Variants in DCAKD observed in about 807,000 individuals in gnomAD.
The protein encoded by DCAKD is dephospho-CoA kinase domain-containing protein.
Under a neutral mutation model 18.7 loss-of-function variants are expected in DCAKD, and 15 were observed. The observed-to-expected ratio is 0.80, with a 90% confidence interval of 0.54 to 1.24. The LOEUF (loss-of-function observed/expected upper bound fraction) is 1.24, where lower values mean the gene tolerates loss of function less well. DCAKD is among the 50% of genes most tolerant of loss of function. DCAKD has a pLI of 0.00. For missense variants in DCAKD, 301 were observed against 322.0 expected (o/e 0.93, Z 0.50); for synonymous variants, 130 against 133.0 (o/e 0.98, Z 0.16).
chr17:45,034,082 A>G, intron 3 of DCAKD, 105 bp downstream of exon 3: 2 of 1,601,056 alleles, frequency 1.2e-6, no homozygotes, highest in Non-Finnish European at 1.7e-6. Context: ...TGAACTCATC[A>G]GCTGGGATAA....
intron 1 of DCAKD, among the ~76,000 whole-genome samples, chr17:45,048,585 C>T (rs1229864983): frequency 1.3e-5 from 2 of 152,088 alleles, no homozygotes; most frequent in Non-Finnish European, 1.5e-5. Context: ...TGCAGTAAGC[C>T]GAGATCGTGC....
chr17:45,044,490 G>A (rs1285147695), intron 1 of DCAKD, among the ~76,000 whole-genome samples: 7 of 152,110 alleles, frequency 4.6e-5, no homozygotes, highest in East Asian at 1.9e-4. Flanking sequence ...TCAGGAGTTC[G>A]GGACCAGCCT....
At chr17:45,054,191 G>C, upstream of DCAKD, 1 of 515,344 alleles carries the variant, frequency 1.9e-6, no homozygotes, top group Non-Finnish European at 3.9e-6. Context: ...CATTATCTCT[G>C]CCATGTATAC....
At chr17:45,034,421 C>T in intron 2 of DCAKD, 31 bp from the exon 3 acceptor site, 3 of 1,611,392 alleles carry the variant, frequency 1.9e-6, no homozygotes, top group Non-Finnish European at 2.5e-6. Flanking sequence ...TGGGTCACTC[C>T]CTGAAGCCTC....
chr17:45,029,571 T>C (rs180698415), intron 4 of DCAKD, among the ~76,000 whole-genome samples: 146 of 152,270 alleles, frequency 9.6e-4, no homozygotes, highest in African/African-American at 3.3e-3. Context: ...CCTGGGGAAT[T>C]CTGAGAACAA....
At chr17:45,055,499 C>T (rs1259374981), upstream of DCAKD, among the ~76,000 whole-genome samples, 2 of 152,082 alleles carry the variant, frequency 1.3e-5, no homozygotes, top group Non-Finnish European at 2.9e-5. Flanking sequence ...TCTCAGCCTC[C>T]CACTGAATAG....
chr17:45,055,298 G>A (rs1344701327), upstream of DCAKD, among the ~76,000 whole-genome samples: 1 of 152,140 alleles, frequency 6.6e-6, no homozygotes, highest in East Asian at 1.9e-4. Context: ...TTTGTTTGAT[G>A]AACAACCCTG....
Position 45,044,711 on chromosome 17 carries a change from A to G in DCAKD, c.-115+6650T>C, listed in dbSNP as rs868225975. Among the ~76,000 whole-genome samples, 112 of 151,654 alleles carry G rather than the reference A, an allele frequency of 7.4e-4. No homozygotes were observed. In the Middle Eastern group the frequency reaches 0.02, roughly 28 times the overall value. On this transcript the variant is annotated intron_variant, in intron 1 of 4. Coordinates refer to ENST00000651974, the MANE Select transcript of DCAKD (RefSeq NM_001288655.2). ...CATCAATAAATAAATAAATAAATAAATAAATAAATAAATAAATAAATAAAT... is the reference window on the plus strand; with the variant it reads ...CATCAATAAATAAATAAATAAATAAGTAAATAAATAAATAAATAAATAAAT...
intron 3 of DCAKD, among the ~76,000 whole-genome samples, chr17:45,033,171 C>T (rs897041622): frequency 6.8e-6 from 1 of 147,260 alleles, no homozygotes; most frequent in East Asian, 2.0e-4. Context: ...CATAGTGAGA[C>T]CCCATCTCTA....
At chr17:45,025,334 A>T in intron 4 of DCAKD, among the ~76,000 whole-genome samples, 1 of 152,180 alleles carries the variant, frequency 6.6e-6, no homozygotes, top group East Asian at 1.9e-4. Context: ...GCCACTGATG[A>T]TGTGGGACAG....
upstream of DCAKD, among the ~76,000 whole-genome samples, chr17:45,052,855 CTTGCCTCAAAAAAAA>C (rs1295200972): frequency 1.3e-5 from 2 of 151,148 alleles, no homozygotes; most frequent in Non-Finnish European, 2.9e-5. Context: ...AAAACGAGAC[CTTGCCTCAAAAAAAA>C]TAAAGCATCT....
At chr17:45,043,528 T>C (rs909148698) in intron 1 of DCAKD, among the ~76,000 whole-genome samples, 2 of 152,136 alleles carry the variant, frequency 1.3e-5, no homozygotes, top group African/African-American at 4.8e-5. Context: ...AGGGCATAGC[T>C]GGGCACATAC....
chr17:45,030,188 A>T lies in DCAKD; in HGVS notation c.317-9T>A, dbSNP rs757743341. The T allele has an allele frequency of 3.1e-6, 5 of 1,613,022 alleles. 1 individual carries two copies. The South Asian group carries it at 5.5e-5, about 18-fold the overall frequency. On this transcript the variant is annotated splice_polypyrimidine_tract_variant and intron_variant, in intron 3 of 4. Transcript: ENST00000651974. ...AATCACGTAGCGGTATCCTGGGGAG[A>T]GGTTGGAAATCCCCCAAGTTCAATT...
chr17:45,051,728 CGGGCGGGGCCGGGAGAGGTT>C (rs1274209768), upstream of DCAKD: 5 of 67,610 alleles, frequency 7.4e-5, no homozygotes, highest in African/African-American at 2.8e-4. Context: ...GTTGGGTGGG[CGGGCGGGGCCGGGAGAGGTT>C]GGGCGGGCGG....
intron 3 of DCAKD, chr17:45,031,258 C>T (rs1258602583): frequency 3.0e-6 from 3 of 985,198 alleles, no homozygotes; most frequent in Admixed American, 6.2e-5. Context: ...ATCTCAGCTG[C>T]TTGGTTTCCT....
At chr17:45,051,179 A>G (rs2053686373) in intron 1 of DCAKD, among the ~76,000 whole-genome samples, 182 bp downstream of exon 1, 2 of 152,238 alleles carry the variant, frequency 1.3e-5, no homozygotes, top group Non-Finnish European at 2.9e-5. Context: ...TCAAGAATCA[A>G]TCGGCCCGCA....
Position 45,031,137 on chromosome 17 carries a change from C to T in DCAKD, c.317-958G>A, listed in dbSNP as rs190294292. ...GAGACTGCACCCCTGGAGCATCCCA[C>T]TCCAAACACTTCCAAGCACAGAACC... is the stretch of plus-strand genomic sequence containing the variant. On this transcript the variant is annotated intron_variant, in intron 3 of 4. Transcript: ENST00000651974. 5.2e-5 allele frequency: 51 copies of T among 985,424 alleles called. No homozygotes were observed. In the East Asian group the frequency reaches 1.0e-3, roughly 20 times the overall value. 61.0% of individuals were successfully genotyped at this position (985,424 alleles called of 1,614,324 possible).
chr17:45,040,519 C>T (rs1030709970), intron 1 of DCAKD, among the ~76,000 whole-genome samples: 2 of 152,048 alleles, frequency 1.3e-5, no homozygotes, highest in African/African-American at 4.8e-5. Flanking sequence ...AAGGACAACA[C>T]CAAGTCCACA....
chr17:45,043,532 C>T (rs1437327918), intron 1 of DCAKD, among the ~76,000 whole-genome samples: 2 of 152,156 alleles, frequency 1.3e-5, no homozygotes, highest in Non-Finnish European at 1.5e-5. Context: ...CATAGCTGGG[C>T]ACATACCAAG....
Sources: gnomAD v4.1 joint callset for allele counts (sites outside exome capture counted in the v4.1 genomes callset) on GRCh38, gnomAD v4.1.1 for gene constraint, MANE v1.5 for transcripts, NCBI Gene and HGNC (gene_info 2026-07-23, HGNC 2026-07-21) for gene names.